The following ASTN2 variants were observed in gnomAD, a reference collection of about 807,000 sequenced individuals.
ASTN2 encodes astrotactin-2.
In ASTN2, 54 loss-of-function variants were observed where a neutral mutation model predicts 139.8. The observed-to-expected ratio is 0.39, with a 90% CI of 0.31 to 0.48. The LOEUF (loss-of-function observed/expected upper bound fraction) is 0.48, where lower values mean the gene tolerates loss of function less well. Ranked by LOEUF, ASTN2 falls within the 20% of genes least tolerant of loss-of-function variation. ASTN2 has a pLI of 0.95. For synonymous variants in ASTN2, 756 were observed against 719.5 expected (o/e 1.05, Z -0.81); for missense variants, 1,565 against 1,725.1 (o/e 0.91, Z 1.64).
intron 17 of ASTN2, among the ~76,000 whole-genome samples, chr9:116,625,374 C>A (rs2131842893): frequency 6.6e-6 from 1 of 152,260 alleles, no homozygotes; most frequent in Admixed American, 6.5e-5. Context: ...GTGGAGGTTG[C>A]AGTGAGCTGA....
At chr9:116,556,684 C>T (rs1852634574) in intron 19 of ASTN2, among the ~76,000 whole-genome samples, 1 of 152,150 alleles carries the variant, frequency 6.6e-6, no homozygotes, top group Non-Finnish European at 1.5e-5. Context: ...CTCTAGCTTT[C>T]TAAGACTTTA....
intron 10 of ASTN2, among the ~76,000 whole-genome samples, chr9:116,955,650 C>T (rs1321873415): frequency 6.6e-6 from 1 of 152,150 alleles, no homozygotes; most frequent in Non-Finnish European, 1.5e-5. Context: ...GCTTTGGATC[C>T]ATGTAGGCAA....
intron 1 of ASTN2, among the ~76,000 whole-genome samples, chr9:117,304,089 C>A (rs1180672229): frequency 6.6e-6 from 1 of 152,178 alleles, no homozygotes; most frequent in Admixed American, 6.5e-5. Flanking sequence ...TGCCGGCTGA[C>A]CACAGATGCA....
chr9:116,494,664 TCAAAA>T (rs1366449673), intron 19 of ASTN2, among the ~76,000 whole-genome samples: 5 of 152,208 alleles, frequency 3.3e-5, no homozygotes. Context: ...GGTTAAATAT[TCAAAA>T]CAATCCATCT....
chr9:116,911,498 G>A (rs1215365323), intron 10 of ASTN2, among the ~76,000 whole-genome samples: 1 of 152,188 alleles, frequency 6.6e-6, no homozygotes, highest in Non-Finnish European at 1.5e-5. Flanking sequence ...GATATTAGTG[G>A]AAAAACTGGT....
chr9:117,267,847 G>A (rs1186776181), intron 2 of ASTN2, among the ~76,000 whole-genome samples: 2 of 152,128 alleles, frequency 1.3e-5, no homozygotes, highest in African/African-American at 4.8e-5. Flanking sequence ...ATGTTCCCCA[G>A]GGCACAGCTT....
chr9:117,408,167 G>T (rs889676907), intron 1 of ASTN2, among the ~76,000 whole-genome samples: 4 of 151,822 alleles, frequency 2.6e-5, no homozygotes, highest in Non-Finnish European at 5.9e-5. Context: ...TTTGGCAGGG[G>T]GAGAGGAAAG....
chr9:116,699,918 C>T lies in ASTN2; in HGVS notation c.2806+25853G>A. ...ATTTAGAGCTTTAAAAGATGCACTGCCCAAATAGGACACACGATGGTGTTA... is the reference window on the plus strand; with the variant it reads ...ATTTAGAGCTTTAAAAGATGCACTGTCCAAATAGGACACACGATGGTGTTA... On this transcript the variant is annotated intron_variant, in intron 16 of 22. Transcript: ENST00000313400. This position sits in a 1 kb window ranked among gnomAD's most constrained non-coding sequence, Gnocchi z 4.2. 1.5e-6 allele frequency: 1 copy of T among 672,486 alleles called. No individual in the cohort carries two copies. Among genetic ancestry groups the T allele is most frequent in the Non-Finnish European group, 2.6e-6 (1 of 390,354 alleles). The allele number at this position is 672,486 out of a possible 1,614,324, so 41.7% of individuals were successfully genotyped here.
At chr9:117,271,222 G>T (rs9299250) in intron 2 of ASTN2, among the ~76,000 whole-genome samples, 4 of 152,110 alleles carry the variant, frequency 2.6e-5, no homozygotes, top group African/African-American at 9.7e-5. Flanking sequence ...CTCTTCTTAC[G>T]TGGTGGCAGC....
At chr9:117,027,823 G>T (rs924599365) in intron 6 of ASTN2, among the ~76,000 whole-genome samples, 1 of 152,142 alleles carries the variant, frequency 6.6e-6, no homozygotes, top group East Asian at 1.9e-4. Context: ...CCCTGTGAGG[G>T]TGTGATTGGC....
intron 2 of ASTN2, among the ~76,000 whole-genome samples, chr9:117,240,800 C>G (rs1335976757): frequency 2.0e-5 from 3 of 152,204 alleles, no homozygotes; most frequent in Non-Finnish European, 2.9e-5. Context: ...TTTGCCCAGA[C>G]TCACATAGCA....
intron 19 of ASTN2, among the ~76,000 whole-genome samples, chr9:116,569,570 C>A (rs567363462): frequency 2.0e-5 from 3 of 152,276 alleles, no homozygotes; most frequent in African/African-American, 7.2e-5. Context: ...GTGCTCCAGA[C>A]CATGTGAACT....
At chr9:117,293,309 T>C (rs1307914344) in intron 1 of ASTN2, among the ~76,000 whole-genome samples, 2 of 152,298 alleles carry the variant, frequency 1.3e-5, no homozygotes, top group African/African-American at 2.4e-5. Context: ...TCCACCCTTG[T>C]CCATTCTATT....
chr9:116,437,505 C>A, intron 22 of ASTN2: 1 of 471,344 alleles, frequency 2.1e-6, no homozygotes, highest in Non-Finnish European at 4.4e-6. Flanking sequence ...CAAACCATTA[C>A]TGAGTGGATT....
intron 11 of ASTN2, among the ~76,000 whole-genome samples, chr9:116,854,956 T>C (rs2132327995): frequency 6.7e-6 from 1 of 149,412 alleles, no homozygotes. Flanking sequence ...CCGGCCTCCC[T>C]TCTCATTATT....
intron 16 of ASTN2, among the ~76,000 whole-genome samples, chr9:116,654,132 G>A (rs921199065): frequency 6.6e-6 from 1 of 152,162 alleles, no homozygotes; most frequent in African/African-American, 2.4e-5. Context: ...AGGACACTAG[G>A]GACTCATTAG....
chr9:117,379,888 C>G (rs187382735), intron 1 of ASTN2, among the ~76,000 whole-genome samples: 2 of 152,082 alleles, frequency 1.3e-5, no homozygotes, highest in African/African-American at 4.8e-5. Context: ...TAATAGATAG[C>G]TATGGATATT....
In ASTN2 at chr9:116,582,575, C is replaced by T. The variant is rs1853994733; in HGVS notation, c.3355+35749G>A. 3 of 152,230 alleles carry T rather than the reference C, an allele frequency of 2.0e-5. No homozygotes were observed. The East Asian group carries it at 5.8e-4, about 29-fold the overall frequency. 9.4% of individuals were successfully genotyped at this position (152,230 alleles called of 1,614,324 possible). A position where few individuals can be genotyped will look rare whatever the true frequency, so the allele number is the denominator to read the frequency against. On this transcript the variant is annotated intron_variant, in intron 19 of 22. Coordinates refer to ENST00000313400, the MANE Select transcript of ASTN2 (RefSeq NM_001365068.1). ...TGCTGAACACCGTTCTCTTCATCTA[C>T]CCAGCCACTTTTTGTTGTTATTGTA...
At chr9:116,864,649 G>A (rs1832972810) in intron 10 of ASTN2, among the ~76,000 whole-genome samples, 1 of 152,206 alleles carries the variant, frequency 6.6e-6, no homozygotes, top group Non-Finnish European at 1.5e-5. Flanking sequence ...ACCATGGGCA[G>A]TGAGAAGCGG....
Sources: gnomAD v4.1 joint callset for allele counts (sites outside exome capture counted in the v4.1 genomes callset) on GRCh38, gnomAD v4.1.1 for gene constraint, Gnocchi (gnomAD v3.1) non-coding constraint, MANE v1.5 for transcripts, NCBI Gene and HGNC (gene_info 2026-07-23, HGNC 2026-07-21) for gene names.